ADCY10: variants seen among roughly 807,000 people sequenced by gnomAD.
ADCY10 encodes the protein adenylate cyclase type 10.
In ADCY10, 156 loss-of-function variants were observed where a neutral mutation model predicts 183.3. The observed-to-expected ratio is 0.85, with a 90% confidence interval of 0.75 to 0.97. The LOEUF (loss-of-function observed/expected upper bound fraction) is 0.97, where lower values mean the gene tolerates loss of function less well. Ranked by LOEUF, ADCY10 falls within the 50% of genes least tolerant of loss-of-function variation. The pLI, the probability that ADCY10 is intolerant of heterozygous loss-of-function variation, is 0.00. For missense variants in ADCY10, 1,745 were observed against 1,934.3 expected (o/e 0.90, Z 1.84); for synonymous variants, 645 against 670.0 (o/e 0.96, Z 0.58).
At chr1:167,886,398 T>C (rs1462986378) in intron 8 of ADCY10, among the ~76,000 whole-genome samples, 1 of 151,962 alleles carries the variant, frequency 6.6e-6, no homozygotes, top group Non-Finnish European at 1.5e-5. Context: ...ATACCACACA[T>C]CTACAACCAT....
In ADCY10 at chr1:167,875,205, G is replaced by T. The variant is rs750054751; in HGVS notation, c.1407-19C>A. 4 of 1,612,660 alleles carry T rather than the reference G, an allele frequency of 2.5e-6. No homozygotes were observed. In the East Asian group the frequency reaches 8.9e-5, roughly 36 times the overall value. ...AAACATGCTGAAGAGAAGAACAAAA[G>T]AACAGATGCTAGATTCAAAACAGGG... On this transcript the variant is annotated intron_variant, in intron 12 of 32. Coordinates refer to ENST00000367851, the MANE Select transcript of ADCY10 (RefSeq NM_018417.6).
At chr1:167,883,745 G>A (rs1243757772) in intron 8 of ADCY10, 117 bp from the exon 9 acceptor site, 13 of 914,688 alleles carry the variant, frequency 1.4e-5, no homozygotes, top group Non-Finnish European at 2.3e-5. Flanking sequence ...AATGGGTGAG[G>A]TACAACATGA....
intron 16 of ADCY10, among the ~76,000 whole-genome samples, chr1:167,859,307 T>A (rs977602674): frequency 4.6e-5 from 7 of 152,238 alleles, no homozygotes; most frequent in African/African-American, 1.7e-4. Flanking sequence ...TGAGTGTTTC[T>A]TATGAAAGAG....
intron 29 of ADCY10, 56 bp downstream of exon 29, chr1:167,822,952 C>T: frequency 6.7e-7 from 1 of 1,484,428 alleles, no homozygotes; most frequent in Non-Finnish European, 9.4e-7. Context: ...TGCCACACCA[C>T]ACCAGCACAG....
At position 167,846,017 on chromosome 1, in the gene ADCY10, C is replaced by T. The variant is rs773163853; in HGVS notation, c.2684G>A (p.Arg895His). Residue 895 changes from arginine (R) to histidine (H), a missense_variant, in exon 20 of 33, where the codon CGT becomes CAT. Arg to His is a conservative substitution (Grantham distance 29). Coordinates refer to ENST00000367851, the MANE Select transcript of ADCY10 (RefSeq NM_018417.6). The stretch of plus-strand genomic sequence containing the variant: ...TTCACTGGGCTTCAGAGACAAGGAA[C>T]GATAGTGCACCTCAAATGAGGGATC... Reference protein sequence around the residue: ...QNDPSFEVHYRSLSLKPSEGM... With the variant: ...QNDPSFEVHYHSLSLKPSEGM... 3.2e-5 allele frequency: 52 copies of T among 1,614,062 alleles called. No homozygotes were observed. The highest frequency in any genetic ancestry group is 3.8e-5 in the Non-Finnish European group (45 of 1,180,034).
intron 8 of ADCY10, among the ~76,000 whole-genome samples, chr1:167,885,933 A>C (rs1180394072): frequency 6.6e-6 from 1 of 151,874 alleles, no homozygotes; most frequent in Non-Finnish European, 1.5e-5. Context: ...CCTTTTACCC[A>C]TTTTTTAATC....
At chr1:167,876,640 G>A (rs1186027830) in intron 12 of ADCY10, among the ~76,000 whole-genome samples, 1 of 152,186 alleles carries the variant, frequency 6.6e-6, no homozygotes, top group Non-Finnish European at 1.5e-5. Context: ...TATCTGCAGA[G>A]GTGGTACAGA....
chr1:167,848,705 C>A (rs978685226), intron 18 of ADCY10, among the ~76,000 whole-genome samples: 8 of 151,912 alleles, frequency 5.3e-5, no homozygotes, highest in African/African-American at 1.9e-4. Context: ...GGCTGGAGTG[C>A]AGTGGCGTGA....
intron 10 of ADCY10, 115 bp from the exon 11 acceptor site, chr1:167,880,306 C>G (rs1416725880): frequency 6.4e-6 from 7 of 1,099,568 alleles, no homozygotes; most frequent in Non-Finnish European, 9.6e-6. Flanking sequence ...AGGATTTTCT[C>G]TACCCGTTGG....
intron 30 of ADCY10, chr1:167,820,714 G>C (rs1159353675): frequency 6.6e-6 from 1 of 152,480 alleles, no homozygotes; most frequent in Non-Finnish European, 1.5e-5. Context: ...TGAGGTAGAC[G>C]GGACCTGAGC....
Position 167,845,865 on chromosome 1 carries a change from A to C in ADCY10, c.2717-12T>G, listed in dbSNP as rs779783327. ...CTCTTCACCGTGATCTGGAGAGAGCAAAAAGGGTTTTTCAGCCAGGCAGTG... is the reference window on the plus strand; with the variant it reads ...CTCTTCACCGTGATCTGGAGAGAGCCAAAAGGGTTTTTCAGCCAGGCAGTG... On this transcript the variant is annotated splice_polypyrimidine_tract_variant and intron_variant, in intron 20 of 32. Coordinates refer to ENST00000367851, the MANE Select transcript of ADCY10 (RefSeq NM_018417.6). 3.7e-6 allele frequency: 6 copies of C among 1,613,928 alleles called. No individual in the cohort carries two copies. In the African/African-American group the frequency reaches 8.0e-5, roughly 22 times the overall value.
intron 7 of ADCY10, 130 bp from the exon 8 acceptor site, chr1:167,894,071 C>G: frequency 8.5e-6 from 6 of 703,266 alleles, no homozygotes; most frequent in South Asian, 4.5e-5. Context: ...TCAGGAGACT[C>G]TGGGACACCT....
intron 31 of ADCY10, among the ~76,000 whole-genome samples, chr1:167,813,625 T>G (rs191910088): frequency 1.3e-5 from 2 of 152,272 alleles, no homozygotes; most frequent in East Asian, 3.9e-4. Context: ...CAAAGGTAAA[T>G]ACATGGACAA....
At chr1:167,834,921 C>T (rs967262126) in intron 23 of ADCY10, among the ~76,000 whole-genome samples, 1 of 152,224 alleles carries the variant, frequency 6.6e-6, no homozygotes, top group East Asian at 1.9e-4. Context: ...TCCTGGGACT[C>T]ATTGGCTACA....
At position 167,824,402 on chromosome 1, in the gene ADCY10, C is replaced by T. The variant is rs1198369332; in HGVS notation, c.4052+74G>A. ...CTCCCTTCCCCACCCTAGGACTAGG[C>T]TAAAGTTGAACCCAGAATACTCAAT... On this transcript the variant is annotated intron_variant, in intron 28 of 32. Coordinates refer to ENST00000367851, the MANE Select transcript of ADCY10 (RefSeq NM_018417.6). 3 of 1,289,652 alleles carry T rather than the reference C, an allele frequency of 2.3e-6. No homozygotes were observed. The East Asian group carries it at 6.9e-5, about 30-fold the overall frequency. 79.9% of individuals were successfully genotyped at this position (1,289,652 alleles called of 1,614,324 possible).
In ADCY10 at chr1:167,836,366, G is replaced by A. The variant is rs931493776; in HGVS notation, c.3252C>T (p.Ala1084=). Residue 1084 remains alanine (A), a synonymous_variant, in exon 23 of 33, where the codon GCC becomes GCT. Transcript: ENST00000367851. ...ATGCAATTTCTAAGAAGTAATATAA[G>A]GCTTTGTCATTTTCTCCCAAAGCCA... ...HFLALGENDK[A]LYYFLEIASA... is the part of the protein sequence containing the mutation. 6.2e-7 allele frequency: 1 copy of A among 1,614,094 alleles called. No individual in the cohort carries two copies. Among genetic ancestry groups the A allele is most frequent in the South Asian group, 1.1e-5 (1 of 91,074 alleles).
chr1:167,895,180 C>CA (rs369502605), intron 7 of ADCY10, among the ~76,000 whole-genome samples: 2,256 of 67,362 alleles, frequency 0.033, 48 homozygotes, highest in African/African-American at 0.08. Flanking sequence ...GACTCCATCT[C>CA]AAAAAAAAAA....
Position 167,852,555 on chromosome 1 carries a change from C to T in ADCY10, c.2308+1798G>A, listed in dbSNP as rs181576920. Among the ~76,000 whole-genome samples the T allele has an allele frequency of 1.8e-4, 27 of 152,146 alleles. 1 individual carries two copies. In the East Asian group the frequency reaches 5.0e-3, roughly 28 times the overall value. ...ATTTACTCTGCAGTATTTATATTTA[C>T]ATATCGCTTTCCTTTAATCCATTGG... On this transcript the variant is annotated intron_variant, in intron 18 of 32. Coordinates refer to ENST00000367851, the MANE Select transcript of ADCY10 (RefSeq NM_018417.6).
chr1:167,839,538 T>C lies in ADCY10; in HGVS notation c.3008-2220A>G, dbSNP rs527385565. ...ATAAATAAATTTAAGCCACACTAGC[T>C]AGGTCCTTATTATATGCAGCCAATA... On this transcript the variant is annotated intron_variant, in intron 21 of 32. Transcript: ENST00000367851. Among the ~76,000 whole-genome samples the C allele has an allele frequency of 3.0e-4, 45 of 152,330 alleles. 1 individual carries two copies. The highest frequency in any genetic ancestry group is 2.3e-3 in the South Asian group (11 of 4,824).
Sources: allele counts gnomAD v4.1 joint callset (sites outside exome capture counted in the v4.1 genomes callset), GRCh38; gene constraint gnomAD v4.1.1; transcripts MANE v1.5; gene names NCBI Gene and HGNC (gene_info 2026-07-23, HGNC 2026-07-21).